Variants in ANXA4 observed in about 807,000 individuals in gnomAD.
ANXA4 encodes 35-beta calcimedin.
ANXA4 carries 39 observed loss-of-function variants against 49.8 expected under a neutral mutation model. That is an observed-to-expected ratio of 0.78 (90% CI 0.61 to 1.02). ANXA4 has a LOEUF of 1.02. Ranked by LOEUF, ANXA4 falls within the 50% of genes least tolerant of loss-of-function variation. ANXA4 has a pLI of 0.00. For missense variants in ANXA4, 360 were observed against 410.1 expected (o/e 0.88, Z 1.05); for synonymous variants, 134 against 152.5 (o/e 0.88, Z 0.89).
chr2:69,704,632 A>G (rs1678433146), intron 2 of ANXA4, among the ~76,000 whole-genome samples: 1 of 152,216 alleles, frequency 6.6e-6, no homozygotes, highest in African/African-American at 2.4e-5. Flanking sequence ...TTCACAGAGC[A>G]GTGGTCTCAG....
chr2:69,661,624 G>T (rs114719128), intron 2 of ANXA4, among the ~76,000 whole-genome samples: 10,826 of 152,178 alleles, frequency 0.071, 1,131 homozygotes, highest in East Asian at 0.37. Context: ...AAAATAATAA[G>T]AGTTTGGAAC....
At position 69,676,817 on chromosome 2, in the gene ANXA4, C is replaced by T. The variant is rs555512634; in HGVS notation, n.766+23535C>T. ...CTGAGGCAGGAGAATTGCTTGAACCCGGGAGGTGGAGGTTGCAGTGAGCCA... is the reference window on the plus strand; with the variant it reads ...CTGAGGCAGGAGAATTGCTTGAACCTGGGAGGTGGAGGTTGCAGTGAGCCA... On this transcript the variant is annotated intron_variant and non_coding_transcript_variant, in intron 2 of 3. Coordinates refer to the ANXA4 transcript ENST00000418066. 4.6e-5 allele frequency among the ~76,000 whole-genome samples: 7 copies of T among 152,176 alleles called. No individual in the cohort carries two copies. In the East Asian group the frequency reaches 9.6e-4, roughly 21 times the overall value.
Position 69,781,192 on chromosome 2 carries a change from A to G in ANXA4, c.-46-328A>G, listed in dbSNP as rs577865950. The G allele has an allele frequency of 2.6e-5, 8 of 307,520 alleles. No homozygotes were observed. The East Asian group carries it at 5.4e-4, about 21-fold the overall frequency. 19.0% of individuals were successfully genotyped at this position (307,520 alleles called of 1,614,324 possible). On this transcript the variant is annotated intron_variant, in intron 1 of 12. Transcript: ENST00000394295. ...GGGGGAACCTCTTCTGATCTGCTGT[A>G]ACATTCAGTTCAGAATCTGTGTCCA...
intron 2 of ANXA4, among the ~76,000 whole-genome samples, chr2:69,681,366 AT>A (rs35246948): frequency 2.8e-3 from 391 of 139,132 alleles, no homozygotes; most frequent in Middle Eastern, 3.6e-3. Context: ...TTCATTTCTG[AT>A]TTTTTTTTTT....
chr2:69,777,807 T>C (rs1197552268), intron 1 of ANXA4, among the ~76,000 whole-genome samples: 1 of 152,184 alleles, frequency 6.6e-6, no homozygotes, highest in Non-Finnish European at 1.5e-5. Flanking sequence ...AGAGATGCCT[T>C]CCGGATCGCC....
Position 69,742,171 on chromosome 2 carries a change from C to T in ANXA4, c.-51C>T, listed in dbSNP as rs1041010648. 1 of 152,060 alleles carries T rather than the reference C, an allele frequency of 6.6e-6. No individual in the cohort carries two copies. The highest frequency in any genetic ancestry group is 2.4e-5 in the African/African-American group (1 of 41,314). The allele number at this position is 152,060 out of a possible 1,614,324, so 9.4% of individuals were successfully genotyped here. ...GCCGCAGAGGAGGAGCGCAGCCCGG[C>T]CTCGGTACGAGGGGTAAAGGGGCTC... On this transcript the variant is annotated 5_prime_UTR_variant, in exon 1 of 13. Coordinates refer to ENST00000394295, the MANE Select transcript of ANXA4 (RefSeq NM_001153.5).
chr2:69,708,914 T>TA (rs569292795), intron 2 of ANXA4, among the ~76,000 whole-genome samples: 81 of 145,008 alleles, frequency 5.6e-4, no homozygotes, highest in Admixed American at 1.2e-3. Flanking sequence ...CTACCAAACT[T>TA]AAAAAAAAAA....
At chr2:69,697,448 G>A (rs1450435435) in intron 2 of ANXA4, among the ~76,000 whole-genome samples, 4 of 152,166 alleles carry the variant, frequency 2.6e-5, no homozygotes, top group Non-Finnish European at 4.4e-5. Flanking sequence ...AACTTTCTCC[G>A]TATCAATGCT....
At chr2:69,742,762 T>A (rs1386346252) in intron 1 of ANXA4, among the ~76,000 whole-genome samples, 1 of 152,120 alleles carries the variant, frequency 6.6e-6, no homozygotes, top group Non-Finnish European at 1.5e-5. Context: ...GAGACTTTGG[T>A]GCCAAGGAGG....
intron 1 of ANXA4, 38 bp from the exon 2 acceptor site, chr2:69,781,482 C>A: frequency 6.6e-7 from 1 of 1,520,604 alleles, no homozygotes; most frequent in Admixed American, 1.7e-5. Flanking sequence ...AATGCCATTT[C>A]CTTCATCACA....
At chr2:69,798,069 C>T (rs560720175) in intron 3 of ANXA4, among the ~76,000 whole-genome samples, 2 of 152,176 alleles carry the variant, frequency 1.3e-5, no homozygotes, top group Non-Finnish European at 2.9e-5. Context: ...AGGGGCTATC[C>T]GGTCCGACTG....
chr2:69,689,088 C>A (rs1677881498), intron 2 of ANXA4, among the ~76,000 whole-genome samples: 1 of 151,956 alleles, frequency 6.6e-6, no homozygotes, highest in South Asian at 2.1e-4. Flanking sequence ...ACGACATTTT[C>A]TTTTCTTTTC....
At chr2:69,721,665 T>C (rs1669814589) in intron 3 of ANXA4, among the ~76,000 whole-genome samples, 1 of 152,022 alleles carries the variant, frequency 6.6e-6, no homozygotes, top group Non-Finnish European at 1.5e-5. Flanking sequence ...TGCCACTGCA[T>C]TCCAGCCTGG....
chr2:69,697,697 T>C (rs1041241620), intron 2 of ANXA4, among the ~76,000 whole-genome samples: 9 of 152,114 alleles, frequency 5.9e-5, no homozygotes, highest in Admixed American at 5.9e-4. Flanking sequence ...CATCGTAGGG[T>C]TGTTAATTGG....
chr2:69,766,135 A>G (rs1202764730), intron 1 of ANXA4, among the ~76,000 whole-genome samples: 1 of 152,220 alleles, frequency 6.6e-6, no homozygotes, highest in Non-Finnish European at 1.5e-5. Flanking sequence ...AAGAACCACA[A>G]AGGAATCTAG....
intron 2 of ANXA4, among the ~76,000 whole-genome samples, chr2:69,663,755 A>C (rs1277397376): frequency 6.6e-6 from 1 of 152,100 alleles, no homozygotes; most frequent in Non-Finnish European, 1.5e-5. Context: ...AAAATGAAAA[A>C]CTCAGTAGAA....
intron 2 of ANXA4, among the ~76,000 whole-genome samples, chr2:69,701,410 T>C (rs1019155183): frequency 2.6e-5 from 4 of 152,164 alleles, no homozygotes; most frequent in Non-Finnish European, 5.9e-5. Context: ...CATTCTATTT[T>C]CTATCTGTAT....
intron 2 of ANXA4, among the ~76,000 whole-genome samples, chr2:69,708,588 C>T (rs376860569): frequency 1.0e-3 from 157 of 151,890 alleles, no homozygotes; most frequent in African/African-American, 3.3e-3. Context: ...TTTTTTTTAT[C>T]GGGGAGACAG....
chr2:69,789,536 C>A (rs1275255816), intron 3 of ANXA4, among the ~76,000 whole-genome samples: 2 of 152,082 alleles, frequency 1.3e-5, no homozygotes, highest in Non-Finnish European at 2.9e-5. Context: ...CAGACAGACA[C>A]ACACACAGTG....
Sources: allele counts gnomAD v4.1 joint callset (sites outside exome capture counted in the v4.1 genomes callset), GRCh38; gene constraint gnomAD v4.1.1; transcripts MANE v1.5; gene names NCBI Gene and HGNC (gene_info 2026-07-23, HGNC 2026-07-21).